Variants in ADGRV1 observed in about 807,000 individuals in gnomAD.
ADGRV1 encodes G-protein coupled receptor 98.
ADGRV1 carries 359 observed loss-of-function variants against 596.2 expected under a neutral mutation model. That is an observed-to-expected ratio of 0.60 (90% CI 0.55 to 0.66). ADGRV1 has a LOEUF of 0.66. ADGRV1 is among the 30% of genes least tolerant of loss of function. The pLI, the probability that ADGRV1 is intolerant of heterozygous loss-of-function variation, is 0.00. For missense variants in ADGRV1, 7,274 were observed against 7,575.6 expected, an observed-to-expected ratio of 0.96 and a Z score of 1.48; for synonymous variants, 2,681 against 2,679.2, an observed-to-expected ratio of 1.00 and a Z score of -0.02.
rs1190857361 is a variant in ADGRV1 at position 90,755,105 on chromosome 5, G to A, written c.11500G>A (p.Glu3834Lys). The A allele has an allele frequency of 6.2e-7, 1 of 1,610,560 alleles. No individual in the cohort carries two copies. The highest frequency in any genetic ancestry group is 8.5e-7 in the Non-Finnish European group (1 of 1,177,102). Reference protein sequence around the residue: ...LHVDNQATENEDYVLQETIII... With the variant: ...LHVDNQATENKDYVLQETIII... Reference sequence around the variant, plus strand: ...TGTCGATAATCAAGCTACTGAGAATGAAGATTATGTATTGCAAGAAACAAT... The same window carrying A: ...TGTCGATAATCAAGCTACTGAGAATAAAGATTATGTATTGCAAGAAACAAT... Residue 3834 changes from glutamate to lysine, a missense_variant, in exon 55 of 90, where the codon GAA (glutamate) becomes AAA (lysine). This residue lies in a region of ADGRV1 where 3,643 missense variants were observed against 3,809.2 expected (regional missense o/e 0.96). Transcript: ENST00000405460.
chr5:90,825,896 A>G (rs1581244508), intron 76 of ADGRV1: 1 of 152,208 alleles, frequency 6.6e-6, no homozygotes, highest in South Asian at 2.1e-4. Context: ...TCTCTTTCAC[A>G]TATGATATTC....
chr5:90,722,480 G>C (rs939776457), intron 45 of ADGRV1, among the ~76,000 whole-genome samples: 2 of 151,578 alleles, frequency 1.3e-5, no homozygotes, highest in African/African-American at 4.9e-5. Context: ...GGAGGCCGAG[G>C]TGGGCGGATC....
At chr5:90,832,904 A>C (rs1333973573) in intron 77 of ADGRV1, among the ~76,000 whole-genome samples, 2 of 152,114 alleles carry the variant, frequency 1.3e-5, no homozygotes, top group African/African-American at 4.8e-5. Flanking sequence ...AAATGAGTTC[A>C]CTGTAGAAGT....
Position 90,810,450 on chromosome 5 carries a change from T to A in ADGRV1, c.15190T>A (p.Phe5064Ile), listed in dbSNP as rs753576727. Residue 5064 changes from phenylalanine to isoleucine, a missense_variant, in exon 74 of 90, where the codon TTT becomes ATT. Coordinates refer to ENST00000405460, the MANE Select transcript of ADGRV1 (RefSeq NM_032119.4). ...TGAGCCTGTTCAGAATGGGGAACTG[T>A]TTTTTCAAAAATTCCAAACTGAGGT... ...DFEPVQNGELFFQKFQTEVDF... is the reference protein window; with the variant it reads ...DFEPVQNGELIFQKFQTEVDF... 2 of 1,613,770 alleles carry A rather than the reference T, an allele frequency of 1.2e-6. No individual in the cohort carries two copies. Among genetic ancestry groups the A allele is most frequent in the Admixed American group, 1.7e-5 (1 of 59,986 alleles).
At chr5:90,716,371 G>C (rs1476802241) in intron 42 of ADGRV1, 96 bp from the exon 43 acceptor site, 1 of 772,844 alleles carries the variant, frequency 1.3e-6, no homozygotes, top group Admixed American at 3.1e-5. Flanking sequence ...CTTAGGTAAA[G>C]AGTTGGCCTA....
intron 83 of ADGRV1, among the ~76,000 whole-genome samples, chr5:90,901,131 G>C (rs1354560958): frequency 1.3e-5 from 2 of 152,096 alleles, no homozygotes; most frequent in Non-Finnish European, 2.9e-5. Context: ...ACTTTCCTCA[G>C]ATCAGAGACT....
intron 83 of ADGRV1, among the ~76,000 whole-genome samples, chr5:90,956,964 T>C (rs993833609): frequency 1.6e-4 from 24 of 151,928 alleles, no homozygotes; most frequent in Middle Eastern, 3.2e-3. Context: ...AATTAAATAT[T>C]CTCTTAAGGG....
chr5:90,958,283 C>CAAAAAAAAAAAAAAAA (rs34676985), intron 83 of ADGRV1, among the ~76,000 whole-genome samples: 22 of 72,788 alleles, frequency 3.0e-4, no homozygotes, highest in Non-Finnish European at 4.6e-4. Flanking sequence ...GACCTTGTCT[C>CAAAAAAAAAAAAAAAA]AAAAAAAAAA....
intron 87 of ADGRV1, among the ~76,000 whole-genome samples, chr5:91,109,514 A>G (rs1367703107): frequency 6.6e-6 from 1 of 152,192 alleles, no homozygotes; most frequent in Admixed American, 6.5e-5. Flanking sequence ...TTACATGCCT[A>G]CTGAGCCCAG....
At chr5:90,992,122 G>A (rs546774090) in intron 85 of ADGRV1, among the ~76,000 whole-genome samples, 1 of 152,308 alleles carries the variant, frequency 6.6e-6, no homozygotes, top group East Asian at 1.9e-4. Context: ...TTGAAAGTAC[G>A]CTTCCCCACG....
chr5:91,029,292 C>G (rs1784292177), intron 85 of ADGRV1, among the ~76,000 whole-genome samples: 1 of 152,156 alleles, frequency 6.6e-6, no homozygotes, highest in South Asian at 2.1e-4. Context: ...AGATGTGATT[C>G]CAAATGATAT....
At chr5:90,852,060 C>T (rs1464566722) in intron 79 of ADGRV1, among the ~76,000 whole-genome samples, 1 of 152,072 alleles carries the variant, frequency 6.6e-6, no homozygotes, top group Non-Finnish European at 1.5e-5. Context: ...TTTTGACAAG[C>T]TATGGTGGAG....
Position 90,635,225 on chromosome 5 carries a change from G to A in ADGRV1, c.1951G>A (p.Glu651Lys), listed in dbSNP as rs779846298. 1.2e-6 allele frequency: 2 copies of A among 1,613,124 alleles called. No individual in the cohort carries two copies. The highest frequency in any genetic ancestry group is 3.3e-5 in the Admixed American group (2 of 59,870). Residue 651 changes from glutamate to lysine, a missense_variant, in exon 10 of 90, where the codon GAA becomes AAA. This residue lies in a region of ADGRV1 where 1,715 missense variants were observed against 1,708.8 expected (regional missense o/e 1.00). Transcript: ENST00000405460. ...LLVTPAIANG[E>K]IGFLSNLPII... ...GGTTACTCCAGCCATTGCAAATGGA[G>A]AAATTGGCTTTCTCAGCAATCTTCC...
intron 1 of ADGRV1, among the ~76,000 whole-genome samples, chr5:90,566,054 A>G: frequency 6.6e-6 from 1 of 152,046 alleles, no homozygotes; most frequent in East Asian, 1.9e-4. Flanking sequence ...AGTTCTTCGC[A>G]TACTCTAGAT....
intron 33 of ADGRV1, among the ~76,000 whole-genome samples, chr5:90,695,606 G>A (rs182757963): frequency 1.3e-5 from 2 of 152,040 alleles, no homozygotes; most frequent in African/African-American, 4.8e-5. Context: ...CATTGTATTT[G>A]TTGTTTAACT....
At chr5:90,595,700 C>T (rs1406588792) in intron 1 of ADGRV1, among the ~76,000 whole-genome samples, 1 of 135,592 alleles carries the variant, frequency 7.4e-6, no homozygotes, top group Non-Finnish European at 1.6e-5. Context: ...GGCGGCTGGC[C>T]AGGCAGAGGG....
chr5:90,961,607 A>G (rs1457781396), intron 83 of ADGRV1, among the ~76,000 whole-genome samples: 1 of 151,364 alleles, frequency 6.6e-6, no homozygotes, highest in African/African-American at 2.4e-5. Flanking sequence ...AGGAGCACTG[A>G]GAATTGAGGT....
At chr5:90,969,774 C>G (rs1000795748) in intron 84 of ADGRV1, among the ~76,000 whole-genome samples, 1 of 152,180 alleles carries the variant, frequency 6.6e-6, no homozygotes, top group African/African-American at 2.4e-5. Context: ...AGGAATAGCT[C>G]CAGTCTACAG....
intron 87 of ADGRV1, among the ~76,000 whole-genome samples, chr5:91,107,279 T>C (rs539385349): frequency 1.3e-5 from 2 of 152,284 alleles, no homozygotes; most frequent in East Asian, 3.9e-4. Flanking sequence ...TTTTTTGGTT[T>C]TGTTTTCTCG....
Sources: gnomAD v4.1 joint callset for allele counts (sites outside exome capture counted in the v4.1 genomes callset) on GRCh38, gnomAD v4.1.1 for gene constraint, gnomAD v4.1.1 regional missense constraint, MANE v1.5 for transcripts, NCBI Gene and HGNC (gene_info 2026-07-23, HGNC 2026-07-21) for gene names.